The following CEP112 variants were observed in gnomAD, a reference collection of about 807,000 sequenced individuals.
CEP112 encodes the protein centrosomal protein 112.
Under a neutral mutation model 153.0 loss-of-function variants are expected in CEP112, and 127 were observed. The ratio of observed to expected loss-of-function variants is 0.83; its 90% CI spans 0.72 to 0.96. CEP112 has a LOEUF of 0.96. Among genes scored for constraint, CEP112 ranks in the 40% least tolerant of loss-of-function variants. The pLI, the probability that CEP112 is intolerant of heterozygous loss-of-function variation, is 0.00. For synonymous variants in CEP112, 358 were observed against 374.4 expected (o/e 0.96, Z 0.51); for missense variants, 1,089 against 1,101.2 (o/e 0.99, Z 0.16).
chr17:65,824,203 A>C (rs1370944725), intron 21 of CEP112, among the ~76,000 whole-genome samples: 1 of 152,240 alleles, frequency 6.6e-6, no homozygotes, highest in Non-Finnish European at 1.5e-5. Context: ...TTGTACTCCC[A>C]TACAATGGAA....
chr17:66,114,867 T>C (rs1489894148), intron 6 of CEP112, among the ~76,000 whole-genome samples: 5 of 151,872 alleles, frequency 3.3e-5, no homozygotes, highest in Admixed American at 2.6e-4. Flanking sequence ...CACACAATAC[T>C]ATGTCACTAA....
At chr17:65,766,722 A>G (rs1433664504) in intron 21 of CEP112, among the ~76,000 whole-genome samples, 1 of 141,652 alleles carries the variant, frequency 7.1e-6, no homozygotes, top group African/African-American at 2.7e-5. Context: ...AAAAAAAAAG[A>G]GAGAACAGAA....
intron 2 of CEP112, among the ~76,000 whole-genome samples, chr17:66,178,614 C>T (rs1225865501): frequency 6.6e-6 from 1 of 151,972 alleles, no homozygotes; most frequent in Non-Finnish European, 1.5e-5. Context: ...TGGAGTATTA[C>T]TCAAGAAATC....
At chr17:66,168,329 T>C (rs1291082842) in intron 4 of CEP112, among the ~76,000 whole-genome samples, 4 of 151,990 alleles carry the variant, frequency 2.6e-5, no homozygotes, top group Non-Finnish European at 4.4e-5. Context: ...TTCCTATACT[T>C]TATGTACTTC....
chr17:66,127,414 C>A (rs1313454689), intron 6 of CEP112, among the ~76,000 whole-genome samples: 1 of 152,204 alleles, frequency 6.6e-6, no homozygotes, highest in Non-Finnish European at 1.5e-5. Context: ...CAGGACTTGC[C>A]TCCAATGGCA....
chr17:65,993,908 TG>T (rs2063687616), intron 17 of CEP112, among the ~76,000 whole-genome samples: 1 of 152,048 alleles, frequency 6.6e-6, no homozygotes, highest in African/African-American at 2.4e-5. Flanking sequence ...GCTGCTTACA[TG>T]GGTGTGTTCA....
At chr17:65,907,937 G>A (rs1401319442) in intron 19 of CEP112, among the ~76,000 whole-genome samples, 2 of 152,138 alleles carry the variant, frequency 1.3e-5, no homozygotes, top group Non-Finnish European at 2.9e-5. Context: ...TGATGACCAG[G>A]AGGTGGTAAA....
At chr17:65,812,931 T>C (rs1156646887) in intron 21 of CEP112, among the ~76,000 whole-genome samples, 2 of 152,124 alleles carry the variant, frequency 1.3e-5, no homozygotes, top group African/African-American at 4.8e-5. Context: ...AAAGCAAACA[T>C]TGCTCTTCCA....
chr17:65,866,535 G>A (rs2058492343), intron 20 of CEP112, among the ~76,000 whole-genome samples: 1 of 152,212 alleles, frequency 6.6e-6, no homozygotes, highest in Admixed American at 6.5e-5. Context: ...GCTGGTCCCC[G>A]CAGATGGCAG....
chr17:65,864,996 T>C (rs1394809688), intron 20 of CEP112, among the ~76,000 whole-genome samples: 1 of 151,288 alleles, frequency 6.6e-6, no homozygotes, highest in Non-Finnish European at 1.5e-5. Context: ...TTTATTCACT[T>C]GGTCCTTTCA....
intron 19 of CEP112, among the ~76,000 whole-genome samples, chr17:65,911,449 C>G (rs1162406958): frequency 6.6e-6 from 1 of 152,126 alleles, no homozygotes; most frequent in Non-Finnish European, 1.5e-5. Context: ...TTAAAAATTA[C>G]TCTAACTTCA....
intron 6 of CEP112, among the ~76,000 whole-genome samples, chr17:66,102,442 A>G (rs1394888511): frequency 1.3e-5 from 2 of 152,164 alleles, no homozygotes; most frequent in Non-Finnish European, 2.9e-5. Flanking sequence ...AAAATAATAT[A>G]TTGTGGAGTT....
chr17:66,134,248 G>T (rs770928547), intron 4 of CEP112, among the ~76,000 whole-genome samples: 4 of 152,076 alleles, frequency 2.6e-5, no homozygotes, highest in Admixed American at 2.6e-4. Context: ...ATTGCACAGG[G>T]TTGCATACAT....
At chr17:66,175,666 C>T (rs933695622) in intron 3 of CEP112, among the ~76,000 whole-genome samples, 1 of 152,168 alleles carries the variant, frequency 6.6e-6, no homozygotes, top group Non-Finnish European at 1.5e-5. Context: ...AAGGTGGGAA[C>T]AGCAGAGTGA....
intron 6 of CEP112, among the ~76,000 whole-genome samples, chr17:66,127,976 C>A (rs1362910630): frequency 6.6e-6 from 1 of 151,974 alleles, no homozygotes; most frequent in East Asian, 1.9e-4. Context: ...TCCCTCCTCC[C>A]AGCAATCATA....
intron 17 of CEP112, among the ~76,000 whole-genome samples, chr17:65,969,939 T>C (rs1207703700): frequency 6.6e-6 from 1 of 152,194 alleles, no homozygotes; most frequent in Non-Finnish European, 1.5e-5. Context: ...GCTACAGGCA[T>C]GCATATCACA....
At chr17:65,865,189 A>T (rs994935444) in intron 20 of CEP112, among the ~76,000 whole-genome samples, 2 of 151,920 alleles carry the variant, frequency 1.3e-5, no homozygotes, top group Non-Finnish European at 2.9e-5. Context: ...TCACAGGTGC[A>T]TGCCACCACG....
chr17:65,733,301 T>C (rs1157735791), intron 23 of CEP112, among the ~76,000 whole-genome samples: 1 of 151,966 alleles, frequency 6.6e-6, no homozygotes, highest in African/African-American at 2.4e-5. Context: ...ACAATGACAA[T>C]AGTAACATCG....
intron 21 of CEP112, among the ~76,000 whole-genome samples, chr17:65,779,209 TACTA>T (rs1476383865): frequency 4.6e-5 from 7 of 152,208 alleles, no homozygotes; most frequent in Non-Finnish European, 1.0e-4. Context: ...AATAAAATCT[TACTA>T]ACTTAGTTGA....
Sources: allele counts gnomAD v4.1 joint callset (sites outside exome capture counted in the v4.1 genomes callset), GRCh38; gene constraint gnomAD v4.1.1; transcripts MANE v1.5; gene names NCBI Gene and HGNC (gene_info 2026-07-23, HGNC 2026-07-21).